The following TMEM178B variants were observed in gnomAD, a reference collection of about 807,000 sequenced individuals.
The protein encoded by TMEM178B is transmembrane protein 178B.
Under a neutral mutation model 31.0 loss-of-function variants are expected in TMEM178B, and 5 were observed. The observed-to-expected ratio is 0.16, with a 90% CI of 0.08 to 0.34. TMEM178B has a LOEUF of 0.34. TMEM178B is among the 10% of genes least tolerant of loss of function. TMEM178B has a pLI of 1.00. For synonymous variants in TMEM178B, 164 were observed against 164.0 expected (o/e 1.00, Z 0.00); for missense variants, 275 against 400.3 (o/e 0.69, Z 2.67).
At position 141,155,894 on chromosome 7, in the gene TMEM178B, G is replaced by A. The variant is rs183018135; in HGVS notation, c.383-56697G>A. On this transcript the variant is annotated intron_variant, in intron 1 of 3. Transcript: ENST00000565468. Reference sequence around the variant, plus strand: ...AGCCTGGCCAAGATGGTGAAAACCCGTTGTTACTAAAAATAGAAAAAATAG... The same window carrying A: ...AGCCTGGCCAAGATGGTGAAAACCCATTGTTACTAAAAATAGAAAAAATAG... Among the ~76,000 whole-genome samples, 15 of 152,210 alleles carry A rather than the reference G, an allele frequency of 9.9e-5. No individual in the cohort carries two copies. The East Asian group carries it at 1.2e-3, about 12-fold the overall frequency.
chr7:141,192,308 AG>A (rs1395250232), intron 1 of TMEM178B, among the ~76,000 whole-genome samples: 3 of 151,994 alleles, frequency 2.0e-5, no homozygotes, highest in African/African-American at 7.3e-5. Flanking sequence ...GAGACACCAG[AG>A]GTTAGATAAG....
At chr7:141,389,277 G>A (rs565487553) in intron 2 of TMEM178B, among the ~76,000 whole-genome samples, 9 of 152,168 alleles carry the variant, frequency 5.9e-5, no homozygotes, top group Non-Finnish European at 1.0e-4. Context: ...AATGGATAAC[G>A]TAGAAGGGAA....
chr7:141,322,116 C>G (rs1413907603), intron 2 of TMEM178B, among the ~76,000 whole-genome samples: 1 of 152,156 alleles, frequency 6.6e-6, no homozygotes, highest in East Asian at 1.9e-4. Context: ...TCCTTACTAC[C>G]TGCTCGGTTG....
chr7:141,170,658 GCCACT>G (rs1796334181), intron 1 of TMEM178B, among the ~76,000 whole-genome samples: 1 of 152,154 alleles, frequency 6.6e-6, no homozygotes. Flanking sequence ...CAGAATGGCT[GCCACT>G]AAGTTCCCAC....
chr7:141,232,921 T>C (rs1046549505), intron 2 of TMEM178B, among the ~76,000 whole-genome samples: 3 of 152,184 alleles, frequency 2.0e-5, no homozygotes, highest in Admixed American at 6.5e-5. Context: ...TGAGAGAAGC[T>C]TGAGGAGATG....
rs1341857184 is a variant in TMEM178B, at chr7:141,478,666, A to C, written c.*7880A>C. ...TCAGCATGGAATCAATATAAAAATTACTGGGATATTTTACATTCTTTTTTC... is the reference window on the plus strand; with the variant it reads ...TCAGCATGGAATCAATATAAAAATTCCTGGGATATTTTACATTCTTTTTTC... On this transcript the variant is annotated 3_prime_UTR_variant, in exon 4 of 4. Transcript: ENST00000565468. 6.6e-6 allele frequency: 1 copy of C among 152,246 alleles called. No individual in the cohort carries two copies. Among genetic ancestry groups the C allele is most frequent in the Non-Finnish European group, 1.5e-5 (1 of 68,038 alleles). 9.4% of individuals were successfully genotyped at this position (152,246 alleles called of 1,614,324 possible). A position where few individuals can be genotyped will look rare whatever the true frequency, so the allele number is the denominator to read the frequency against.
At chr7:141,240,976 T>G (rs1348829932) in intron 2 of TMEM178B, among the ~76,000 whole-genome samples, 1 of 150,234 alleles carries the variant, frequency 6.7e-6, no homozygotes, top group Non-Finnish European at 1.5e-5. Flanking sequence ...TTGAGAACAT[T>G]GTCATGTCCT....
At chr7:141,319,233 T>C (rs1205487175) in intron 2 of TMEM178B, among the ~76,000 whole-genome samples, 1 of 152,228 alleles carries the variant, frequency 6.6e-6, no homozygotes, top group African/African-American at 2.4e-5. Context: ...TAGTGCCTCA[T>C]TGACAGACTG....
rs544674883 is a variant in TMEM178B at position 141,375,948 on chromosome 7, C to T, written c.497-61660C>T. Among the ~76,000 whole-genome samples, 6 of 152,276 alleles carry T rather than the reference C, an allele frequency of 3.9e-5. No individual in the cohort carries two copies. In the South Asian group the frequency reaches 1.2e-3, roughly 32 times the overall value. On this transcript the variant is annotated intron_variant, in intron 2 of 3. Transcript: ENST00000565468. ...CATATGGGACCAACGGGGAAGTAGC[C>T]CCAGAGCTGGCAACCTGGGGACTAA...
In TMEM178B at chr7:141,076,247, T is replaced by C. The variant is rs146530363; in HGVS notation, c.382+1555T>C. ...AAAACAAGAGGGCCTAGAATAGTTT[T>C]TGACAATGAGTGACCTTATAACAGT... On this transcript the variant is annotated intron_variant, in intron 1 of 3. Coordinates refer to ENST00000565468, the MANE Select transcript of TMEM178B (RefSeq NM_001195278.2). Among the ~76,000 whole-genome samples, 139 of 152,334 alleles carry C rather than the reference T, an allele frequency of 9.1e-4. 1 individual carries two copies. The highest frequency in any genetic ancestry group is 3.4e-3 in the Middle Eastern group (1 of 294).
At chr7:141,370,129 G>A (rs1232004492) in intron 2 of TMEM178B, among the ~76,000 whole-genome samples, 2 of 151,746 alleles carry the variant, frequency 1.3e-5, no homozygotes, top group Admixed American at 6.6e-5. Context: ...GTGTGTGACT[G>A]GACCACAGAG....
intron 1 of TMEM178B, among the ~76,000 whole-genome samples, chr7:141,125,054 G>T (rs1220433539): frequency 1.3e-5 from 2 of 152,114 alleles, no homozygotes; most frequent in African/African-American, 4.8e-5. Context: ...CCCCCTATTG[G>T]GGTGTTAATT....
intron 1 of TMEM178B, among the ~76,000 whole-genome samples, chr7:141,118,583 G>T (rs565801866): frequency 6.6e-6 from 1 of 152,332 alleles, no homozygotes; most frequent in African/African-American, 2.4e-5. Context: ...TGACCCCAGG[G>T]GGGAAGCTCT....
intron 2 of TMEM178B, among the ~76,000 whole-genome samples, chr7:141,292,524 T>C (rs1240731910): frequency 6.6e-6 from 1 of 152,136 alleles, no homozygotes; most frequent in Non-Finnish European, 1.5e-5. Context: ...CTGAAAGTCA[T>C]TGGCCGGGAG....
At chr7:141,206,276 C>A (rs1796961372) in intron 1 of TMEM178B, among the ~76,000 whole-genome samples, 1 of 152,072 alleles carries the variant, frequency 6.6e-6, no homozygotes. Flanking sequence ...CCACCAGGGA[C>A]CTCTAGGAAG....
At chr7:141,310,648 A>C (rs926038128) in intron 2 of TMEM178B, among the ~76,000 whole-genome samples, 7 of 152,176 alleles carry the variant, frequency 4.6e-5, no homozygotes, top group Non-Finnish European at 1.0e-4. Context: ...AGAAGTTAAG[A>C]AACAACAGAA....
At chr7:141,311,253 A>G (rs541031675) in intron 2 of TMEM178B, among the ~76,000 whole-genome samples, 1 of 152,332 alleles carries the variant, frequency 6.6e-6, no homozygotes, top group East Asian at 1.9e-4. Flanking sequence ...GCACACATTT[A>G]CCTATGTAAC....
chr7:141,448,946 A>G, intron 3 of TMEM178B, among the ~76,000 whole-genome samples: 1 of 152,104 alleles, frequency 6.6e-6, no homozygotes, highest in Non-Finnish European at 1.5e-5. Context: ...AGGAGGGAAG[A>G]GGGGACAGGG....
chr7:141,502,121 C>T, the TMEM178B span, among the ~76,000 whole-genome samples: 2 of 148,898 alleles, frequency 1.3e-5, no homozygotes, highest in African/African-American at 5.2e-5. Context: ...ATCCCCTTTC[C>T]AGTACTTACA....
Sources: gnomAD v4.1 joint callset for allele counts (sites outside exome capture counted in the v4.1 genomes callset) on GRCh38, gnomAD v4.1.1 for gene constraint, MANE v1.5 for transcripts, NCBI Gene and HGNC (gene_info 2026-07-23, HGNC 2026-07-21) for gene names.